Variants in PRKCG observed in about 807,000 individuals in gnomAD.
The protein encoded by PRKCG is protein kinase C gamma.
Under a neutral mutation model 82.0 loss-of-function variants are expected in PRKCG, and 28 were observed. The ratio of observed to expected loss-of-function variants is 0.34; its 90% CI spans 0.25 to 0.47. PRKCG has a LOEUF of 0.47. PRKCG is among the 20% of genes least tolerant of loss of function. The probability of loss-of-function intolerance (pLI) is 1.00; values close to 1 mark genes in which losing one functional copy is unlikely to be tolerated. For missense variants in PRKCG, 640 were observed against 952.7 expected, an observed-to-expected ratio of 0.67 and a Z score of 4.32; for synonymous variants, 383 against 376.6, an observed-to-expected ratio of 1.02 and a Z score of -0.20.
chr19:53,898,671 T>G, intron 11 of PRKCG, 43 bp downstream of exon 11: 1 of 1,538,938 alleles, frequency 6.5e-7, no homozygotes, highest in Non-Finnish European at 8.8e-7. Context: ...GGCCCTGCCT[T>G]ATCCAGTTCT....
intron 6 of PRKCG, 129 bp downstream of exon 6, chr19:53,891,959 G>A (rs1048566272): frequency 2.5e-5 from 30 of 1,194,528 alleles, no homozygotes; most frequent in East Asian, 7.5e-5. Context: ...AGAAGAAGAT[G>A]GTGGGAAAAG....
chr19:53,903,450 C>G (rs139551046), intron 15 of PRKCG, among the ~76,000 whole-genome samples: 70 of 152,268 alleles, frequency 4.6e-4, no homozygotes, highest in African/African-American at 1.5e-3. Flanking sequence ...ACGCAGAAAA[C>G]CAAGGTTCAA....
At chr19:53,890,608 G>A (rs574754209) in intron 5 of PRKCG, among the ~76,000 whole-genome samples, 2 of 149,778 alleles carry the variant, frequency 1.3e-5, no homozygotes, top group South Asian at 4.2e-4. Flanking sequence ...TTGAGATGGA[G>A]TCTTGCTCTG....
At chr19:53,893,847 G>A (rs994145002) in intron 9 of PRKCG, among the ~76,000 whole-genome samples, 3 of 151,956 alleles carry the variant, frequency 2.0e-5, no homozygotes, top group South Asian at 2.1e-4. Flanking sequence ...TCCAGCTCCC[G>A]GGTTCAAGCA....
chr19:53,897,031 G>A (rs1382969214), intron 9 of PRKCG, among the ~76,000 whole-genome samples: 2 of 152,086 alleles, frequency 1.3e-5, no homozygotes, highest in African/African-American at 4.8e-5. Context: ...AAGACCTAAC[G>A]GCACATCCAG....
chr19:53,904,598 G>T, intron 15 of PRKCG, 37 bp from the exon 16 acceptor site: 1 of 1,578,492 alleles, frequency 6.3e-7, no homozygotes, highest in Non-Finnish European at 8.6e-7. Context: ...AGGCAGTTGG[G>T]CATGTCCCTG....
At position 53,898,416 on chromosome 19, in the gene PRKCG, G is replaced by A. The variant is rs781223818; in HGVS notation, c.1093-24G>A. The A allele has an allele frequency of 2.5e-6, 4 of 1,613,740 alleles. No individual in the cohort carries two copies. In the East Asian group the frequency reaches 8.9e-5, roughly 36 times the overall value. ...ACCACTGGGTTCCCAACATGGACTG[G>A]CCCTTTTGGAACTGTGCGCATAGGT... On this transcript the variant is annotated intron_variant, in intron 10 of 17. Transcript: ENST00000263431.
intron 14 of PRKCG, among the ~76,000 whole-genome samples, chr19:53,902,027 C>G (rs2068768087): frequency 6.6e-6 from 1 of 152,216 alleles, no homozygotes; most frequent in African/African-American, 2.4e-5. Flanking sequence ...CCTGTAGTCC[C>G]AGCTACTTGG....
chr19:53,906,055 C>G lies in PRKCG; in HGVS notation c.1765-262C>G, dbSNP rs867573799. On this transcript the variant is annotated intron_variant, in intron 16 of 17. Coordinates refer to ENST00000263431, the MANE Select transcript of PRKCG (RefSeq NM_002739.5). Reference sequence around the variant, plus strand: ...CTCCTCCTCCTCCCTCCTCCTCCTCCTCCTCCTCCTCCTCCTCCTCCTCCT... The same window carrying G: ...CTCCTCCTCCTCCCTCCTCCTCCTCGTCCTCCTCCTCCTCCTCCTCCTCCT... 7.1e-3 allele frequency among the ~76,000 whole-genome samples: 444 copies of G among 62,486 alleles called. 24 individuals are homozygous for G. Among genetic ancestry groups the G allele is most frequent in the African/African-American group, 0.056 (392 of 6,982 alleles). 41.0% of individuals were successfully genotyped at this position (62,486 alleles called of 152,430 possible). A position where few individuals can be genotyped will look rare whatever the true frequency, so the allele number is the denominator to read the frequency against.
rs1411979158 is a variant in PRKCG, at chr19:53,902,912, A to AC, written c.1576-161_1576-160insC. Among the ~76,000 whole-genome samples, 29 of 149,808 alleles carry AC rather than the reference A, an allele frequency of 1.9e-4. 1 individual carries two copies. Among genetic ancestry groups the AC allele is most frequent in the African/African-American group, 6.5e-4 (26 of 40,002 alleles). On this transcript the variant is annotated intron_variant, in intron 14 of 17. Transcript: ENST00000263431. ...TGTCAAAAAAAAAAAAAAAAAAAAA[A>AC]AAAACGAAACAAAAAATCACCTGAT...
In PRKCG at chr19:53,903,051, C is replaced by A. The variant is rs770195066; in HGVS notation, c.1576-22C>A. The A allele has an allele frequency of 5.0e-6, 8 of 1,597,406 alleles. No individual in the cohort carries two copies. In the East Asian group the frequency reaches 1.8e-4, roughly 36 times the overall value. The stretch of plus-strand genomic sequence containing the variant: ...GCTTCCTAAAGAACGCATCATGATT[C>A]CCTGCCTTCCACCTCCCCTAGATCA... On this transcript the variant is annotated intron_variant, in intron 14 of 17. Coordinates refer to ENST00000263431, the MANE Select transcript of PRKCG (RefSeq NM_002739.5).
Position 53,900,285 on chromosome 19 carries a change from A to C in PRKCG, c.1334A>C (p.His445Pro). 1 of 1,614,146 alleles carries C rather than the reference A, an allele frequency of 6.2e-7. No individual in the cohort carries two copies. The highest frequency in any genetic ancestry group is 8.5e-7 in the Non-Finnish European group (1 of 1,180,036). Residue 445 changes from histidine (H) to proline (P), a missense_variant, in exon 12 of 18, where the codon CAC (histidine) becomes CCC (proline). Coordinates refer to ENST00000263431, the MANE Select transcript of PRKCG (RefSeq NM_002739.5). The surrounding 1 kb of genome is among the most constrained non-coding windows in gnomAD (Gnocchi z 4.2). ...EYVTGGDLMYHIQQLGKFKEP... is the reference protein window; with the variant it reads ...EYVTGGDLMYPIQQLGKFKEP... ...GTCACCGGGGGAGACTTGATGTACC[A>C]CATTCAACAGCTGGGCAAGTTTAAG...
intron 16 of PRKCG, among the ~76,000 whole-genome samples, chr19:53,906,038 CCTCCCT>C (rs1166759908): frequency 6.5e-4 from 51 of 77,970 alleles, no homozygotes; most frequent in South Asian, 4.0e-3. Flanking sequence ...TCCTCCTCCT[CCTCCCT>C]CCTCCTCCTC....
Position 53,906,462 on chromosome 19 carries a change from G to A in PRKCG, c.1905+5G>A. ...CCTCCTTTCAGACCCCGCCCGGTCA[G>A]TCACCCTCCAGGCAACAAAAACCTG... On this transcript the variant is annotated splice_donor_5th_base_variant and intron_variant, in intron 17 of 17. Transcript: ENST00000263431. 6.4e-7 allele frequency: 1 copy of A among 1,574,476 alleles called. No homozygotes were observed. Among genetic ancestry groups the A allele is most frequent in the Non-Finnish European group, 8.6e-7 (1 of 1,159,274 alleles).
Position 53,907,190 on chromosome 19 carries a change from C to A in PRKCG, c.*295C>A. ...CCAGAGACCACACCACTAACCATCC[C>A]CAACTCCATGGGGTTCGAGACTCCA... On this transcript the variant is annotated 3_prime_UTR_variant, in exon 18 of 18. Transcript: ENST00000263431. The A allele has an allele frequency of 1.8e-6, 1 of 555,646 alleles. No individual in the cohort carries two copies. The highest frequency in any genetic ancestry group is 3.2e-6 in the Non-Finnish European group (1 of 316,106). 34.4% of individuals were successfully genotyped at this position (555,646 alleles called of 1,614,324 possible). A position where few individuals can be genotyped will look rare whatever the true frequency, so the allele number is the denominator to read the frequency against.
At position 53,898,037 on chromosome 19, in the gene PRKCG, G is replaced by A. The variant is rs79382266; in HGVS notation, c.1018G>A (p.Gly340Arg). ...SPTDPKRCFFGASPGRLHISD... is the reference protein window; with the variant it reads ...SPTDPKRCFFRASPGRLHISD... ...CACCGACCCCAAGCGCTGCTTCTTC[G>A]GGGCGAGTCCAGGACGCCTGCACAT... The change falls in exon 10 of 18, where the codon GGG (glycine) becomes AGG (arginine). Residue 340 changes from glycine (G) to arginine (R), a missense_variant. By Grantham distance (125) the Gly-to-Arg change is moderately radical. Around this residue, in one of 7 missense-constraint regions of PRKCG, gnomAD observed 261 missense variants for 312.1 expected, o/e 0.84. Transcript: ENST00000263431. 1 of 1,614,018 alleles carries A rather than the reference G, an allele frequency of 6.2e-7. No homozygotes were observed. Among genetic ancestry groups the A allele is most frequent in the Non-Finnish European group, 8.5e-7 (1 of 1,179,994 alleles).
In PRKCG at chr19:53,900,733, A is replaced by C; in HGVS notation, c.1559A>C (p.Asp520Ala). The stretch of plus-strand genomic sequence containing the variant: ...ACCCGCACCTTCTGCGGGACCCCGG[A>C]CTACATAGCCCCGGAGGTAACCCCA... ...TTTRTFCGTP[D>A]YIAPEIIAYQ... The change falls in exon 14 of 18, where the codon GAC becomes GCC. Residue 520 changes from aspartate to alanine, a missense_variant. Transcript: ENST00000263431. The surrounding 1 kb of genome is among the most constrained non-coding windows in gnomAD (Gnocchi z 4.2). 1 of 1,614,184 alleles carries C rather than the reference A, an allele frequency of 6.2e-7. No homozygotes were observed. The highest frequency in any genetic ancestry group is 8.5e-7 in the Non-Finnish European group (1 of 1,180,036).
chr19:53,903,011 C>T (rs2068776613), intron 14 of PRKCG, 62 bp from the exon 15 acceptor site: 5 of 1,290,214 alleles, frequency 3.9e-6, no homozygotes, highest in Non-Finnish European at 5.6e-6. Flanking sequence ...GGGGGTGAGG[C>T]CAGAGGGGTC....
chr19:53,904,825 C>G (rs1454379505), intron 16 of PRKCG, 83 bp downstream of exon 16: 1 of 1,135,608 alleles, frequency 8.8e-7, no homozygotes, highest in African/African-American at 1.5e-5. Context: ...GAAAAATGCT[C>G]CCATTCCTGA....
Sources: gnomAD v4.1 joint callset for allele counts (sites outside exome capture counted in the v4.1 genomes callset) on GRCh38, gnomAD v4.1.1 for gene constraint, gnomAD v4.1.1 regional missense constraint, Gnocchi (gnomAD v3.1) non-coding constraint, MANE v1.5 for transcripts, NCBI Gene and HGNC (gene_info 2026-07-23, HGNC 2026-07-21) for gene names.